ESRRG: variants seen among roughly 807,000 people sequenced by gnomAD.
ESRRG encodes estrogen related receptor gamma.
Under a neutral mutation model 44.0 loss-of-function variants are expected in ESRRG, and 13 were observed. The observed-to-expected ratio is 0.30, with a 90% CI of 0.19 to 0.47. The LOEUF (loss-of-function observed/expected upper bound fraction) is 0.47. Ranked by LOEUF, ESRRG falls within the 20% of genes least tolerant of loss-of-function variation. ESRRG has a pLI of 1.00. For missense variants in ESRRG, 395 were observed against 580.6 expected (o/e 0.68, Z 3.29); for synonymous variants, 215 against 214.6 (o/e 1.00, Z -0.02).
chr1:216,822,820 T>G (rs2095324823), intron 2 of ESRRG, among the ~76,000 whole-genome samples: 1 of 152,238 alleles, frequency 6.6e-6, no homozygotes, highest in South Asian at 2.1e-4. Context: ...ATTTGGAACC[T>G]TAATACAATC....
intron 2 of ESRRG, among the ~76,000 whole-genome samples, chr1:216,811,484 C>T (rs959510157): frequency 1.2e-4 from 18 of 152,238 alleles, no homozygotes; most frequent in South Asian, 4.2e-4. Context: ...TATGTAAGTA[C>T]GCGCACTTGC....
At chr1:216,711,567 G>A (rs938573085) in intron 1 of ESRRG, among the ~76,000 whole-genome samples, 2 of 152,116 alleles carry the variant, frequency 1.3e-5, no homozygotes, top group African/African-American at 4.8e-5. Context: ...GGTTTCTCTG[G>A]CATTTGTGAC....
At chr1:217,131,090 T>C (rs2092958762) in intron 1 of ESRRG, among the ~76,000 whole-genome samples, 1 of 152,172 alleles carries the variant, frequency 6.6e-6, no homozygotes, top group Non-Finnish European at 1.5e-5. Flanking sequence ...TCAGTTGGAT[T>C]AGAGAACATA....
At chr1:216,865,187 C>CAAAAAAAAAAAAAAAAAA (rs548064265) in intron 2 of ESRRG, 10 of 49,244 alleles carry the variant, frequency 2.0e-4, no homozygotes, top group African/African-American at 7.0e-4. Context: ...AGCTGTGCAG[C>CAAAAAAAAAAAAAAAAAA]AAAAAAAAAA....
chr1:216,842,233 T>C (rs6657645), intron 2 of ESRRG, among the ~76,000 whole-genome samples: 5,113 of 152,280 alleles, frequency 0.034, 300 homozygotes, highest in African/African-American at 0.11. Context: ...TAACTTCCTT[T>C]TCATTTTTTG....
intron 1 of ESRRG, among the ~76,000 whole-genome samples, chr1:217,038,222 C>T (rs531333238): frequency 1.3e-5 from 2 of 152,328 alleles, no homozygotes; most frequent in African/African-American, 4.8e-5. Context: ...TTGTCATTGC[C>T]CTAGCAGAGG....
chr1:216,729,383 T>C (rs1265628643), intron 2 of ESRRG, among the ~76,000 whole-genome samples: 2 of 152,194 alleles, frequency 1.3e-5, no homozygotes, highest in Non-Finnish European at 2.9e-5. Flanking sequence ...TTTAAATCTT[T>C]AAAAATTATT....
chr1:216,763,382 A>G (rs1232977691), intron 2 of ESRRG, among the ~76,000 whole-genome samples: 1 of 152,152 alleles, frequency 6.6e-6, no homozygotes, highest in Non-Finnish European at 1.5e-5. Flanking sequence ...TCTCAACGGC[A>G]GTAGTTATAC....
intron 5 of ESRRG, among the ~76,000 whole-genome samples, chr1:216,524,154 C>T (rs960519763): frequency 2.0e-5 from 3 of 150,062 alleles, no homozygotes; most frequent in African/African-American, 7.4e-5. Context: ...ACATATGGGG[C>T]AGACATATCA....
chr1:216,609,476 C>T (rs1440050949), intron 3 of ESRRG, among the ~76,000 whole-genome samples: 2 of 152,174 alleles, frequency 1.3e-5, no homozygotes, highest in African/African-American at 4.8e-5. Flanking sequence ...GCAGCAGAGC[C>T]CTGAACCCCA....
At chr1:216,672,914 T>C (rs12119191) in intron 2 of ESRRG, among the ~76,000 whole-genome samples, 31,554 of 152,100 alleles carry the variant, frequency 0.21, 4,201 homozygotes, top group Non-Finnish European at 0.3. Flanking sequence ...TAACAGATGA[T>C]GGTGTACATG....
chr1:216,714,874 T>C (rs74141642), intron 1 of ESRRG, among the ~76,000 whole-genome samples: 2,793 of 152,258 alleles, frequency 0.018, 81 homozygotes, highest in African/African-American at 0.063. Flanking sequence ...GGTAGTACTT[T>C]GGAGCATGAA....
intron 3 of ESRRG, among the ~76,000 whole-genome samples, chr1:216,575,107 G>A (rs531920940): frequency 1.1e-4 from 16 of 152,150 alleles, no homozygotes; most frequent in African/African-American, 1.4e-4. Context: ...GTTCTCCTTC[G>A]GGACAATATC....
intron 3 of ESRRG, among the ~76,000 whole-genome samples, chr1:216,573,501 C>T (rs1443135545): frequency 6.6e-6 from 1 of 151,812 alleles, no homozygotes; most frequent in African/African-American, 2.4e-5. Context: ...CTTAAAATGT[C>T]AAGATCATTT....
chr1:216,596,480 C>T (rs1235091315), intron 3 of ESRRG, among the ~76,000 whole-genome samples: 3 of 152,220 alleles, frequency 2.0e-5, no homozygotes, highest in African/African-American at 7.2e-5. Flanking sequence ...AGCCATTATA[C>T]TCCTCCGCTA....
chr1:217,025,836 C>T (rs899008290), intron 1 of ESRRG, among the ~76,000 whole-genome samples: 2 of 152,192 alleles, frequency 1.3e-5, no homozygotes, highest in Non-Finnish European at 2.9e-5. Context: ...AAATATCTAA[C>T]ATATGGTTAT....
At chr1:216,528,143 A>C (rs1443898062) in intron 5 of ESRRG, among the ~76,000 whole-genome samples, 1 of 152,246 alleles carries the variant, frequency 6.6e-6, no homozygotes, top group Non-Finnish European at 1.5e-5. Context: ...CCTCACCCAC[A>C]GAAAATACAT....
intron 2 of ESRRG, among the ~76,000 whole-genome samples, chr1:216,825,103 C>T (rs1355128090): frequency 6.6e-6 from 1 of 152,136 alleles, no homozygotes; most frequent in Non-Finnish European, 1.5e-5. Context: ...ACACCATAAA[C>T]ATCATTTCAG....
At chr1:216,625,987 C>A (rs997231681) in intron 3 of ESRRG, among the ~76,000 whole-genome samples, 1 of 152,150 alleles carries the variant, frequency 6.6e-6, no homozygotes, top group Non-Finnish European at 1.5e-5. Context: ...TTCCCCTTCA[C>A]AATCCAGTTG....
Sources: allele counts gnomAD v4.1 joint callset (sites outside exome capture counted in the v4.1 genomes callset), GRCh38; gene constraint gnomAD v4.1.1; transcripts MANE v1.5; gene names NCBI Gene and HGNC (gene_info 2026-07-23, HGNC 2026-07-21).